MIOS: variants seen among roughly 807,000 people sequenced by gnomAD.
MIOS encodes GATOR2 complex protein MIOS.
MIOS carries 52 observed loss-of-function variants against 96.9 expected under a neutral mutation model. The observed-to-expected ratio is 0.54, with a 90% CI of 0.43 to 0.68. The LOEUF is 0.68. Ranked by LOEUF, MIOS falls within the 30% of genes least tolerant of loss-of-function variation. The pLI, the probability that MIOS is intolerant of heterozygous loss-of-function variation, is 0.00. For missense variants in MIOS, 1,005 were observed against 1,052.8 expected, an observed-to-expected ratio of 0.95 and a Z score of 0.63; for synonymous variants, 397 against 359.5, an observed-to-expected ratio of 1.10 and a Z score of -1.18.
In MIOS at chr7:7,593,344, G is replaced by C. The variant is rs200361245; in HGVS notation, c.2044-1636G>C. Among the ~76,000 whole-genome samples the C allele has an allele frequency of 7.2e-5, 11 of 152,246 alleles. No homozygotes were observed. In the East Asian group the frequency reaches 2.1e-3, roughly 29 times the overall value. On this transcript the variant is annotated intron_variant, in intron 9 of 12. Coordinates refer to ENST00000340080, the MANE Select transcript of MIOS (RefSeq NM_019005.4). ...TTAACACTGAATTTAATAGATGAAA[G>C]ATATGTTGCTTCAGTTTTTGATTGG...
rs764081083 is a variant in MIOS at position 7,574,163 on chromosome 7, G to A, written c.1360G>A (p.Ala454Thr). The change falls in exon 5 of 13, where the codon GCA (alanine) becomes ACA (threonine). Residue 454 changes from alanine to threonine, a missense_variant. Transcript: ENST00000340080. Reference protein sequence around the residue: ...SPGNKGSLVYAGIKSIVKSSL... With the variant: ...SPGNKGSLVYTGIKSIVKSSL... ...AGGCAACAAAGGATCATTGGTTTATGCAGGAATTAAATCAATTGTAAAGTC... is the reference window on the plus strand; with the variant it reads ...AGGCAACAAAGGATCATTGGTTTATACAGGAATTAAATCAATTGTAAAGTC... The A allele has an allele frequency of 3.7e-6, 6 of 1,610,416 alleles. No homozygotes were observed. The South Asian group carries it at 6.6e-5, about 18-fold the overall frequency.
chr7:7,574,047 C>T, intron 4 of MIOS, 51 bp from the exon 5 acceptor site: 1 of 1,374,864 alleles, frequency 7.3e-7, no homozygotes, highest in South Asian at 1.3e-5. Flanking sequence ...ATAAATTTAG[C>T]TTTGAAATAT....
At chr7:7,584,577 T>C (rs994725123) in intron 6 of MIOS, among the ~76,000 whole-genome samples, 2 of 152,118 alleles carry the variant, frequency 1.3e-5, no homozygotes, top group Admixed American at 6.5e-5. Context: ...TTAAATCTAA[T>C]GTATTAGGCA....
intron 3 of MIOS, among the ~76,000 whole-genome samples, chr7:7,571,593 A>G (rs1173166958): frequency 6.6e-6 from 1 of 152,262 alleles, no homozygotes; most frequent in Non-Finnish European, 1.5e-5. Flanking sequence ...AGTTTAAAGA[A>G]AAATATTAAT....
In MIOS at chr7:7,594,990, T is replaced by C; in HGVS notation, c.2054T>C (p.Leu685Ser). The C allele has an allele frequency of 6.2e-7, 1 of 1,606,718 alleles. No individual in the cohort carries two copies. The highest frequency in any genetic ancestry group is 8.5e-7 in the Non-Finnish European group (1 of 1,177,456). The change falls in exon 10 of 13, where the codon TTA becomes TCA. Residue 685 changes from leucine (L) to serine (S), a missense_variant. Coordinates refer to ENST00000340080, the MANE Select transcript of MIOS (RefSeq NM_019005.4). ...ATGTTTTCGTTTTAGGGTTCACCTT[T>C]AGATGTTCTTAAAGATGAAAGGGTT... Reference protein sequence around the residue: ...ASYCMLQGSPLDVLKDERVQY... With the variant: ...ASYCMLQGSPSDVLKDERVQY...
At chr7:7,583,885 A>G (rs1367895954) in intron 6 of MIOS, among the ~76,000 whole-genome samples, 2 of 152,198 alleles carry the variant, frequency 1.3e-5, no homozygotes, top group Non-Finnish European at 2.9e-5. Context: ...GGTGATTAAA[A>G]TACAGTTTTC....
chr7:7,571,451 A>G (rs1436041083), intron 3 of MIOS, among the ~76,000 whole-genome samples: 1 of 152,264 alleles, frequency 6.6e-6, no homozygotes, highest in Non-Finnish European at 1.5e-5. Flanking sequence ...TGCTTTGTAG[A>G]TAAAACACAA....
intron 11 of MIOS, 149 bp downstream of exon 11, chr7:7,596,610 T>A: frequency 1.4e-6 from 1 of 734,868 alleles, no homozygotes; most frequent in South Asian, 1.9e-5. Context: ...GTTCCTATAA[T>A]TTATGAACTA....
intron 11 of MIOS, among the ~76,000 whole-genome samples, chr7:7,602,022 A>G (rs1007127970): frequency 1.3e-5 from 2 of 152,146 alleles, no homozygotes; most frequent in Admixed American, 6.6e-5. Flanking sequence ...AAATTCAACA[A>G]CCCTTCATGC....
At position 7,573,216 on chromosome 7, in the gene MIOS, G is replaced by C. The variant is rs1783413238; in HGVS notation, c.741G>C (p.Gln247His). 1.1e-5 allele frequency: 17 copies of C among 1,614,016 alleles called. No individual in the cohort carries two copies. Among genetic ancestry groups the C allele is most frequent in the African/African-American group, 1.3e-5 (1 of 74,926 alleles). ...GTGTTGCTTCCTTCTATGAAGGTCA[G>C]GTTGCAATATGGGATCTTAGAAAAT... is the stretch of plus-strand genomic sequence containing the variant. ...HDRVASFYEG[Q>H]VAIWDLRKFE... is the part of the protein sequence containing the mutation. The change falls in exon 4 of 13, where the codon CAG becomes CAC. Residue 247 changes from glutamine to histidine, a missense_variant. Transcript: ENST00000340080. The surrounding 1 kb of genome is among the most constrained non-coding windows in gnomAD (Gnocchi z 5.0).
Position 7,572,250 on chromosome 7 carries a change from T to G in MIOS, c.-40-186T>G, listed in dbSNP as rs188004953. ...ACCAGCTCATTTTATTGGAAGTGGT[T>G]GTTCTTTCTCCTTTTTTTTCAATAA... On this transcript the variant is annotated intron_variant, in intron 3 of 12. Transcript: ENST00000340080. The surrounding 1 kb of genome is among the most constrained non-coding windows in gnomAD (Gnocchi z 4.8). Among the ~76,000 whole-genome samples the G allele has an allele frequency of 6.6e-5, 10 of 152,302 alleles. No individual in the cohort carries two copies. In the East Asian group the frequency reaches 1.7e-3, roughly 26 times the overall value.
Position 7,573,754 on chromosome 7 carries a change from T to G in MIOS, c.1279T>G (p.Trp427Gly). ...GNEDPQLKSL[W>G]YTLHFMKQYT... ...TGAAGATCCACAGCTCAAGTCACTC[T>G]GGTATACTCTGCACTATATCCTTTT... The change falls in exon 4 of 13, where the codon TGG becomes GGG. Residue 427 changes from tryptophan (W) to glycine (G), a missense_variant. By Grantham distance (184) the Trp-to-Gly change is radical. This residue lies in a region of MIOS where 865 missense variants were observed against 887.9 expected (regional missense o/e 0.97). Transcript: ENST00000340080. The surrounding 1 kb of genome is among the most constrained non-coding windows in gnomAD (Gnocchi z 5.0). 1 of 1,602,168 alleles carries G rather than the reference T, an allele frequency of 6.2e-7. No homozygotes were observed. Among genetic ancestry groups the G allele is most frequent in the Non-Finnish European group, 8.5e-7 (1 of 1,173,996 alleles).
At chr7:7,590,005 C>T (rs1206681821) in intron 9 of MIOS, among the ~76,000 whole-genome samples, 1 of 152,140 alleles carries the variant, frequency 6.6e-6, no homozygotes, top group African/African-American at 2.4e-5. Flanking sequence ...ACCAATTTAT[C>T]CATATTTTCT....
At position 7,589,450 on chromosome 7, in the gene MIOS, G is replaced by A. The variant is rs1342253316; in HGVS notation, c.1930G>A (p.Gly644Arg). Reference sequence around the variant, plus strand: ...GTTGACCAATGAAATGAAAGAGGCTGGAAATTTGGAAGGAATTTTGCTTAC... The same window carrying A: ...GTTGACCAATGAAATGAAAGAGGCTAGAAATTTGGAAGGAATTTTGCTTAC... ...EKLTNEMKEA[G>R]NLEGILLTGL... Residue 644 changes from glycine (G) to arginine (R), a missense_variant, in exon 9 of 13, where the codon GGA becomes AGA. By Grantham distance (125) the Gly-to-Arg change is moderately radical. This residue lies in a region of MIOS where 865 missense variants were observed against 887.9 expected (regional missense o/e 0.97). Transcript: ENST00000340080. The A allele has an allele frequency of 1.2e-6, 2 of 1,613,456 alleles. No individual in the cohort carries two copies. The highest frequency in any genetic ancestry group is 1.7e-6 in the Non-Finnish European group (2 of 1,179,698).
chr7:7,596,094 T>C (rs1358540644), intron 10 of MIOS, among the ~76,000 whole-genome samples, 163 bp from the exon 11 acceptor site: 3 of 152,234 alleles, frequency 2.0e-5, no homozygotes, highest in Non-Finnish European at 4.4e-5. Flanking sequence ...TTGCTAGGTA[T>C]AAATTTTAAA....
At chr7:7,594,582 A>G (rs1280337744) in intron 9 of MIOS, among the ~76,000 whole-genome samples, 1 of 152,238 alleles carries the variant, frequency 6.6e-6, no homozygotes, top group Non-Finnish European at 1.5e-5. Context: ...GGCATGAGCC[A>G]TCACGCCCAG....
At chr7:7,582,235 G>A (rs1783753597) in intron 5 of MIOS, among the ~76,000 whole-genome samples, 1 of 152,176 alleles carries the variant, frequency 6.6e-6, no homozygotes, top group Admixed American at 6.5e-5. Context: ...GGACATTCAT[G>A]TTGCCTAATT....
chr7:7,594,878 G>A (rs1275232597), intron 9 of MIOS, 102 bp from the exon 10 acceptor site: 110 of 391,410 alleles, frequency 2.8e-4, no homozygotes, highest in East Asian at 2.1e-3. Flanking sequence ...AAAAAAAAAA[G>A]GCCTATTTCT....
chr7:7,578,305 T>A (rs1427885763), intron 5 of MIOS, among the ~76,000 whole-genome samples: 1 of 152,180 alleles, frequency 6.6e-6, no homozygotes, highest in African/African-American at 2.4e-5. Flanking sequence ...TAGGTATAAT[T>A]CCTTCCTTTT....
Sources: gnomAD v4.1 joint callset for allele counts (sites outside exome capture counted in the v4.1 genomes callset) on GRCh38, gnomAD v4.1.1 for gene constraint, gnomAD v4.1.1 regional missense constraint, Gnocchi (gnomAD v3.1) non-coding constraint, MANE v1.5 for transcripts, NCBI Gene and HGNC (gene_info 2026-07-23, HGNC 2026-07-21) for gene names.